Variants in PTPN3 observed in about 807,000 individuals in gnomAD.
PTPN3 encodes the protein protein tyrosine phosphatase non-receptor type 3.
Under a neutral mutation model 132.7 loss-of-function variants are expected in PTPN3, and 96 were observed. That is an observed-to-expected ratio of 0.72 (90% CI 0.61 to 0.86). The LOEUF is 0.86. PTPN3 is among the 40% of genes least tolerant of loss of function. PTPN3 has a pLI of 0.00. For synonymous variants in PTPN3, 398 were observed against 429.0 expected, an observed-to-expected ratio of 0.93 and a Z score of 0.89; for missense variants, 1,125 against 1,159.6, an observed-to-expected ratio of 0.97 and a Z score of 0.43.
rs1182604000 is a variant in PTPN3, at chr9:109,375,945, CTT to C, written c.*3609_*3610del. 2 of 152,230 alleles carry C rather than the reference CTT, an allele frequency of 1.3e-5. No individual in the cohort carries two copies. The highest frequency in any genetic ancestry group is 2.9e-5 in the Non-Finnish European group (2 of 68,042). The allele number at this position is 152,230 out of a possible 1,614,324, so 9.4% of individuals were successfully genotyped here. A position where few individuals can be genotyped will look rare whatever the true frequency, so the allele number is the denominator to read the frequency against. On this transcript the variant is annotated 3_prime_UTR_variant, in exon 26 of 26. Transcript: ENST00000374541. ...GGTCCCCGGTCTGAGGTCACAGAAT[CTT>C]TGCCACCTTTACCGAGACTGCTCTC... is the stretch of plus-strand genomic sequence containing the variant.
rs1355258790 is a variant in PTPN3, at chr9:109,376,858, T to A, written c.*2698A>T. On this transcript the variant is annotated 3_prime_UTR_variant, in exon 26 of 26. Transcript: ENST00000374541. ...CTTTTAGGTAATTCTCTTGTCTTGT[T>A]CTTCCCAGTATTTCCTGGATTTGTT... The A allele has an allele frequency of 6.6e-6, 1 of 152,256 alleles. No homozygotes were observed. Among genetic ancestry groups the A allele is most frequent in the Non-Finnish European group, 1.5e-5 (1 of 68,050 alleles). The allele number at this position is 152,256 out of a possible 1,614,324, so 9.4% of individuals were successfully genotyped here.
rs946121035 is a variant in PTPN3 at position 109,479,876 on chromosome 9, T to C, written c.-17-16425A>G. The stretch of plus-strand genomic sequence containing the variant: ...TGAGCCTCTGTGCCTGGCCCTATTA[T>C]GTACAGCTTTTTGGGGAATAATCAG... On this transcript the variant is annotated intron_variant, in intron 1 of 25. Coordinates refer to ENST00000374541, the MANE Select transcript of PTPN3 (RefSeq NM_002829.4). Among the ~76,000 whole-genome samples the C allele has an allele frequency of 2.6e-4, 39 of 152,234 alleles. No homozygotes were observed. The East Asian group carries it at 4.3e-3, about 17-fold the overall frequency.
chr9:109,445,158 C>T, intron 7 of PTPN3, 82 bp downstream of exon 7: 1 of 1,423,852 alleles, frequency 7.0e-7, no homozygotes, highest in Non-Finnish European at 9.9e-7. Context: ...GGGACTTGGT[C>T]AAGCAGGAGG....
chr9:109,381,625 C>A (rs1296470226), intron 25 of PTPN3, 27 bp downstream of exon 25: 3 of 1,613,752 alleles, frequency 1.9e-6, no homozygotes, highest in Non-Finnish European at 8.5e-7. Context: ...AAGTGCCAGC[C>A]ACCGTAATTA....
intron 5 of PTPN3, chr9:109,449,193 C>T (rs1236620254): frequency 1.1e-5 from 12 of 1,093,964 alleles, no homozygotes; most frequent in Non-Finnish European, 1.3e-5. Context: ...CGCCCCTGCC[C>T]TTGAGGACCA....
the PTPN3 span, among the ~76,000 whole-genome samples, chr9:109,533,259 C>T: frequency 8.0e-5 from 12 of 150,660 alleles, no homozygotes; most frequent in South Asian, 1.3e-3. Flanking sequence ...ATTCTCCTGC[C>T]TCAGCCTCCC....
intron 1 of PTPN3, among the ~76,000 whole-genome samples, chr9:109,491,132 G>T (rs527418826): frequency 9.9e-5 from 15 of 151,376 alleles, no homozygotes; most frequent in Admixed American, 2.0e-4. Context: ...GGAGGCGGAG[G>T]TTGCAGTGAA....
At chr9:109,502,300 A>G (rs757347662), upstream of PTPN3, among the ~76,000 whole-genome samples, 1 of 152,204 alleles carries the variant, frequency 6.6e-6, no homozygotes, top group East Asian at 1.9e-4. Flanking sequence ...AGTCTGCCCT[A>G]CTTGTACTGC....
the PTPN3 span, among the ~76,000 whole-genome samples, chr9:109,538,258 A>C: frequency 3.3e-5 from 5 of 152,194 alleles, no homozygotes; most frequent in Admixed American, 3.3e-4. Context: ...CCACAGGATA[A>C]TCCCTCTTGC....
intron 19 of PTPN3, among the ~76,000 whole-genome samples, chr9:109,398,055 C>T (rs1168409727): frequency 6.6e-6 from 1 of 152,218 alleles, no homozygotes; most frequent in Non-Finnish European, 1.5e-5. Context: ...GGGCAGATCC[C>T]TTGAGGCCAG....
chr9:109,455,161 T>G (rs975906306), intron 4 of PTPN3, among the ~76,000 whole-genome samples: 1 of 152,260 alleles, frequency 6.6e-6, no homozygotes, highest in East Asian at 1.9e-4. Flanking sequence ...AAATATCTCA[T>G]GCTTTTAATG....
chr9:109,503,495 A>G, the PTPN3 span, among the ~76,000 whole-genome samples: 11 of 152,200 alleles, frequency 7.2e-5, no homozygotes, highest in South Asian at 4.1e-4. Context: ...ACCTGAGGTC[A>G]GGAGTTTGAG....
the PTPN3 span, among the ~76,000 whole-genome samples, chr9:109,506,160 C>A: frequency 1.2e-3 from 187 of 152,328 alleles, no homozygotes; most frequent in African/African-American, 4.3e-3. Flanking sequence ...CCTCAGCTCT[C>A]AGGCTCTCTG....
the PTPN3 span, chr9:109,533,434 C>T: frequency 2.2e-6 from 3 of 1,370,330 alleles, no homozygotes; most frequent in African/African-American, 2.8e-5. Flanking sequence ...GCATGAGCCA[C>T]CGCACCTGGC....
the PTPN3 span, among the ~76,000 whole-genome samples, chr9:109,532,619 A>G: frequency 6.6e-6 from 1 of 151,982 alleles, no homozygotes; most frequent in African/African-American, 2.4e-5. Context: ...CTCATTTGTT[A>G]TTACCAAAAA....
the PTPN3 span, among the ~76,000 whole-genome samples, chr9:109,515,609 G>A: frequency 6.6e-6 from 1 of 152,158 alleles, no homozygotes; most frequent in African/African-American, 2.4e-5. Context: ...TTGGCTCATG[G>A]TTCTGCAGGC....
At chr9:109,536,024 C>T in the PTPN3 span, among the ~76,000 whole-genome samples, 1 of 152,186 alleles carries the variant, frequency 6.6e-6, no homozygotes, top group African/African-American at 2.4e-5. Context: ...ACTCCCCATT[C>T]TCTACTCCCT....
chr9:109,449,430 G>A, intron 5 of PTPN3: 1 of 985,528 alleles, frequency 1.0e-6, no homozygotes, highest in Non-Finnish European at 1.2e-6. Context: ...TAAACTAGAA[G>A]TTTCCAGGAC....
intron 1 of PTPN3, among the ~76,000 whole-genome samples, chr9:109,489,050 A>G (rs1372675683): frequency 6.6e-6 from 1 of 152,226 alleles, no homozygotes; most frequent in Admixed American, 6.5e-5. Flanking sequence ...AAAGAAGATA[A>G]GGTCTAGGGT....
Sources: allele counts gnomAD v4.1 joint callset (sites outside exome capture counted in the v4.1 genomes callset), GRCh38; gene constraint gnomAD v4.1.1; transcripts MANE v1.5; gene names NCBI Gene and HGNC (gene_info 2026-07-23, HGNC 2026-07-21).